The following DNMT3B variants were observed in gnomAD, a reference collection of about 807,000 sequenced individuals.
The protein encoded by DNMT3B is DNA (cytosine-5)-methyltransferase 3B.
DNMT3B carries 37 observed loss-of-function variants against 120.2 expected under a neutral mutation model. The observed-to-expected ratio is 0.31, with a 90% CI of 0.24 to 0.40. The LOEUF (loss-of-function observed/expected upper bound fraction) is 0.40. Among genes scored for constraint, DNMT3B ranks in the 10% least tolerant of loss-of-function variants. The probability of loss-of-function intolerance (pLI) is 1.00; values close to 1 mark genes in which losing one functional copy is unlikely to be tolerated. For synonymous variants in DNMT3B, 412 were observed against 442.8 expected (o/e 0.93, Z 0.87); for missense variants, 878 against 1,137.3 (o/e 0.77, Z 3.28).
At chr20:32,790,437 C>A (rs1979841833) in intron 7 of DNMT3B, among the ~76,000 whole-genome samples, 1 of 152,132 alleles carries the variant, frequency 6.6e-6, no homozygotes, top group African/African-American at 2.4e-5. Flanking sequence ...GGACCTGGGT[C>A]TGGCCTGGGC....
At chr20:32,800,320 C>A (rs368625852) in intron 17 of DNMT3B, 22 bp downstream of exon 17, 1 of 1,613,790 alleles carries the variant, frequency 6.2e-7, no homozygotes, top group East Asian at 2.2e-5. Flanking sequence ...CTGTACCTTG[C>A]GGGCCTCATC....
chr20:32,792,906 TAGG>T (rs1980156362), intron 9 of DNMT3B, 136 bp downstream of exon 9: 6 of 1,350,648 alleles, frequency 4.4e-6, no homozygotes, highest in Non-Finnish European at 6.2e-6. Flanking sequence ...GTTGGAAAAA[TAGG>T]AGCAGGCATA....
In DNMT3B at chr20:32,796,666, G is replaced by T. The variant is rs953829116; in HGVS notation, c.1298-124G>T. 5 of 1,002,220 alleles carry T rather than the reference G, an allele frequency of 5.0e-6. No individual in the cohort carries two copies. The African/African-American group carries it at 7.9e-5, about 16-fold the overall frequency. The allele number at this position is 1,002,220 out of a possible 1,614,324, so 62.1% of individuals were successfully genotyped here. A position where few individuals can be genotyped will look rare whatever the true frequency, so the allele number is the denominator to read the frequency against. On this transcript the variant is annotated intron_variant, in intron 12 of 22. Coordinates refer to ENST00000328111, the MANE Select transcript of DNMT3B (RefSeq NM_006892.4). ...TAGAAGCTGTGAGGCATGGCCTGAG[G>T]TGCAAAGAGTCCTTGGCAAGCTGCT... is the stretch of plus-strand genomic sequence containing the variant.
At position 32,798,486 on chromosome 20, in the gene DNMT3B, T is replaced by G; in HGVS notation, c.1517T>G (p.Val506Gly). Residue 506 changes from valine (V) to glycine (G), a missense_variant, in exon 15 of 23, where the codon GTG becomes GGG. Physicochemically the swap from Val to Gly is moderately radical, Grantham distance 109. Coordinates refer to ENST00000328111, the MANE Select transcript of DNMT3B (RefSeq NM_006892.4). ...TGTTTCTGTGTGGAGTGCCTGGAGG[T>G]GCTGGTGGGCACAGGCACAGCGGCC... is the stretch of plus-strand genomic sequence containing the variant. Reference protein sequence around the residue: ...CRCFCVECLEVLVGTGTAAEA... With the variant: ...CRCFCVECLEGLVGTGTAAEA... The G allele has an allele frequency of 6.2e-7, 1 of 1,614,212 alleles. No homozygotes were observed. Among genetic ancestry groups the G allele is most frequent in the South Asian group, 1.1e-5 (1 of 91,086 alleles).
intron 16 of DNMT3B, among the ~76,000 whole-genome samples, chr20:32,799,816 G>C (rs1314493107): frequency 1.3e-5 from 2 of 152,216 alleles, no homozygotes; most frequent in African/African-American, 4.8e-5. Context: ...CCGTGCCTGG[G>C]CAGTCTTGGT....
Position 32,800,078 on chromosome 20 carries a change from T to C in DNMT3B, c.1760-75T>C. On this transcript the variant is annotated intron_variant, in intron 16 of 22. Coordinates refer to ENST00000328111, the MANE Select transcript of DNMT3B (RefSeq NM_006892.4). Reference sequence around the variant, plus strand: ...TCATGAGGAACTGTTCATTTTACCATAGCAGGGAGTGGAGGAAATGAGCTG... The same window carrying C: ...TCATGAGGAACTGTTCATTTTACCACAGCAGGGAGTGGAGGAAATGAGCTG... The C allele has an allele frequency of 3.8e-6, 6 of 1,595,702 alleles. No individual in the cohort carries two copies. In the South Asian group the frequency reaches 4.4e-5, roughly 12 times the overall value.
At chr20:32,765,564 G>T (rs1601036885) in intron 1 of DNMT3B, among the ~76,000 whole-genome samples, 1 of 149,648 alleles carries the variant, frequency 6.7e-6, no homozygotes, top group Non-Finnish European at 1.5e-5. Context: ...GGGATTACAT[G>T]CGCACACCAC....
At chr20:32,796,628 C>G (rs1041993839) in intron 12 of DNMT3B, among the ~76,000 whole-genome samples, 162 bp from the exon 13 acceptor site, 2 of 152,194 alleles carry the variant, frequency 1.3e-5, no homozygotes, top group African/African-American at 4.8e-5. Flanking sequence ...CACCTGGAAG[C>G]ATTGTTGAGT....
At chr20:32,786,398 C>T in intron 4 of DNMT3B, 104 bp from the exon 5 acceptor site, 2 of 1,536,198 alleles carry the variant, frequency 1.3e-6, no homozygotes, top group Non-Finnish European at 1.8e-6. Context: ...CTGAAGCTGG[C>T]TACCAGGTCT....
intron 1 of DNMT3B, among the ~76,000 whole-genome samples, chr20:32,775,561 C>A (rs55768819): frequency 1.3e-5 from 2 of 152,148 alleles, no homozygotes; most frequent in African/African-American, 4.8e-5. Flanking sequence ...GAAGGCCCCT[C>A]GGGGAGAAGC....
intron 20 of DNMT3B, among the ~76,000 whole-genome samples, chr20:32,804,479 G>A (rs74974219): frequency 0.012 from 1,751 of 152,182 alleles, 45 homozygotes; most frequent in African/African-American, 0.04. Context: ...CACGGTTCCC[G>A]TTCTCATGTC....
intron 1 of DNMT3B, among the ~76,000 whole-genome samples, chr20:32,779,317 C>T (rs1209787673): frequency 3.3e-5 from 5 of 152,376 alleles, no homozygotes; most frequent in African/African-American, 4.8e-5. Flanking sequence ...CTATCTAATC[C>T]TGGCCCTACC....
chr20:32,802,581 A>G, intron 20 of DNMT3B, 111 bp downstream of exon 20: 1 of 1,164,092 alleles, frequency 8.6e-7, no homozygotes, highest in Non-Finnish European at 1.3e-6. Flanking sequence ...AAATAGTTAT[A>G]CTTGGATTTC....
At chr20:32,784,075 C>T (rs1235071607) in intron 3 of DNMT3B, among the ~76,000 whole-genome samples, 1 of 152,186 alleles carries the variant, frequency 6.6e-6, no homozygotes, top group African/African-American at 2.4e-5. Context: ...TGCCACCATG[C>T]CCTGCTAATT....
chr20:32,780,396 G>T lies in DNMT3B; in HGVS notation c.73G>T (p.Gly25Trp). Residue 25 changes from glycine to tryptophan, a missense_variant, in exon 2 of 23, where the codon GGG becomes TGG. Transcript: ENST00000328111. ...GGREDSILVN[G>W]ACSDQSSDSP... ...GAGGGAAGACTCGATCCTCGTCAAC[G>T]GGGCCTGCAGCGACCAGTCCTCCGA... 1 of 1,613,942 alleles carries T rather than the reference G, an allele frequency of 6.2e-7. No individual in the cohort carries two copies. The highest frequency in any genetic ancestry group is 8.5e-7 in the Non-Finnish European group (1 of 1,180,018).
At chr20:32,775,900 C>G (rs1348557915) in intron 1 of DNMT3B, among the ~76,000 whole-genome samples, 1 of 152,222 alleles carries the variant, frequency 6.6e-6, no homozygotes, top group African/African-American at 2.4e-5. Flanking sequence ...CTGTTGAAGG[C>G]AGGGGGATAA....
chr20:32,807,467 G>T (rs754283153), intron 22 of DNMT3B, among the ~76,000 whole-genome samples: 2 of 152,126 alleles, frequency 1.3e-5, no homozygotes, highest in Non-Finnish European at 2.9e-5. Flanking sequence ...TTTGAAAATG[G>T]ATACATTGCT....
rs138576372 is a variant in DNMT3B, at chr20:32,779,428, G to T, written c.-6-890G>T. On this transcript the variant is annotated intron_variant, in intron 1 of 22. Transcript: ENST00000328111. ...CCAGTCTCCCTAGGGGGAGATACAG[G>T]TTGTTGCATCCAACAAAATCTGTGT... Among the ~76,000 whole-genome samples the T allele has an allele frequency of 3.6e-3, 554 of 152,326 alleles. 5 individuals are homozygous for T. The highest frequency in any genetic ancestry group is 5.7e-3 in the Non-Finnish European group (385 of 68,012).
intron 1 of DNMT3B, among the ~76,000 whole-genome samples, chr20:32,778,825 C>A (rs1988209406): frequency 6.6e-6 from 1 of 152,236 alleles, no homozygotes; most frequent in Non-Finnish European, 1.5e-5. Flanking sequence ...TGGTGGCACA[C>A]ACCTGTGGGC....
Sources: allele counts gnomAD v4.1 joint callset (sites outside exome capture counted in the v4.1 genomes callset), GRCh38; gene constraint gnomAD v4.1.1; transcripts MANE v1.5; gene names NCBI Gene and HGNC (gene_info 2026-07-23, HGNC 2026-07-21).